Variants in AVEN observed in about 807,000 individuals in gnomAD.
AVEN encodes the protein cell death regulator Aven.
In AVEN, 41 loss-of-function variants were observed where a neutral mutation model predicts 38.1. That is an observed-to-expected ratio of 1.08 (90% CI 0.84 to 1.40). AVEN has a LOEUF of 1.40. Among genes scored for constraint, AVEN ranks in the 40% most tolerant of loss-of-function variants. The pLI is 0.00. For missense variants in AVEN, 605 were observed against 438.8 expected, an observed-to-expected ratio of 1.38 and a Z score of -3.38; for synonymous variants, 206 against 171.8, an observed-to-expected ratio of 1.20 and a Z score of -1.56.
intron 11 of AVEN, among the ~76,000 whole-genome samples, chr15:33,860,145 G>C (rs1054516328): frequency 7.9e-5 from 12 of 152,200 alleles, no homozygotes; most frequent in Non-Finnish European, 1.5e-4. Flanking sequence ...CAAGATTGGA[G>C]AAAGATGATA....
intron 2 of AVEN, among the ~76,000 whole-genome samples, chr15:33,957,767 T>C (rs566760329): frequency 4.6e-5 from 7 of 151,236 alleles, no homozygotes; most frequent in African/African-American, 1.5e-4. Context: ...AATAATTCCA[T>C]TTGTGCAGTC....
At chr15:34,020,042 T>C (rs953907531) in intron 1 of AVEN, among the ~76,000 whole-genome samples, 4 of 152,240 alleles carry the variant, frequency 2.6e-5, no homozygotes, top group Admixed American at 2.6e-4. Flanking sequence ...CTGGGCGCAG[T>C]GGTTCACACC....
intron 2 of AVEN, among the ~76,000 whole-genome samples, chr15:33,946,569 A>T (rs1894515385): frequency 6.6e-6 from 1 of 152,122 alleles, no homozygotes; most frequent in Non-Finnish European, 1.5e-5. Flanking sequence ...AAGCAGGAGG[A>T]TCTGTGTTAG....
intron 2 of AVEN, among the ~76,000 whole-genome samples, chr15:33,939,081 T>C (rs546597567): frequency 1.5e-4 from 23 of 152,294 alleles, no homozygotes; most frequent in African/African-American, 5.3e-4. Flanking sequence ...GACTTCGTGA[T>C]TCGCCCGCTT....
chr15:34,059,703 C>T (rs1227941639), intron 5 of AVEN, among the ~76,000 whole-genome samples: 1 of 152,222 alleles, frequency 6.6e-6, no homozygotes, highest in African/African-American at 2.4e-5. Context: ...CTAGCATCCC[C>T]AGCCTCCACC....
In AVEN at chr15:34,063,053, G is replaced by A. The variant is rs1254630109; in HGVS notation, n.1506C>T. 24 of 1,614,138 alleles carry A rather than the reference G, an allele frequency of 1.5e-5. No individual in the cohort carries two copies. The highest frequency in any genetic ancestry group is 2.0e-5 in the Non-Finnish European group (24 of 1,180,028). ...ACCTTTGGCTTGCACTGGACTACGTGGCCAGCAACGCTTCTGTCATGAACC... is the reference window on the plus strand; with the variant it reads ...ACCTTTGGCTTGCACTGGACTACGTAGCCAGCAACGCTTCTGTCATGAACC... On this transcript the variant is annotated non_coding_transcript_exon_variant, in exon 5 of 12. Coordinates refer to the AVEN transcript ENST00000675287. The surrounding 1 kb of genome is among the most constrained non-coding windows in gnomAD (Gnocchi z 4.1).
Position 33,961,632 on chromosome 15 carries a change from T to C in AVEN, c.445+41400A>G, listed in dbSNP as rs532825829. Reference sequence around the variant, plus strand: ...ATCGAGACCATTCTGGCTAACACGGTGAAACCCCGTCTCTACTAAAAACAC... The same window carrying C: ...ATCGAGACCATTCTGGCTAACACGGCGAAACCCCGTCTCTACTAAAAACAC... On this transcript the variant is annotated intron_variant, in intron 2 of 5. Coordinates refer to ENST00000306730, the MANE Select transcript of AVEN (RefSeq NM_020371.3). Among the ~76,000 whole-genome samples the C allele has an allele frequency of 3.8e-4, 57 of 151,200 alleles. 1 individual carries two copies. Among genetic ancestry groups the C allele is most frequent in the Admixed American group, 7.9e-4 (12 of 15,196 alleles).
At chr15:33,898,157 C>A (rs928129508) in intron 2 of AVEN, among the ~76,000 whole-genome samples, 1 of 152,186 alleles carries the variant, frequency 6.6e-6, no homozygotes, top group Non-Finnish European at 1.5e-5. Context: ...CCACTGCACT[C>A]CAGCCTGGGC....
At chr15:33,997,696 TCTTCA>T (rs1166434729) in intron 2 of AVEN, among the ~76,000 whole-genome samples, 1 of 152,198 alleles carries the variant, frequency 6.6e-6, no homozygotes, top group African/African-American at 2.4e-5. Flanking sequence ...TTCTCTCATA[TCTTCA>T]CTTATTTCCT....
chr15:33,889,211 T>C (rs1356376797), intron 2 of AVEN, among the ~76,000 whole-genome samples: 1 of 152,230 alleles, frequency 6.6e-6, no homozygotes, highest in Non-Finnish European at 1.5e-5. Flanking sequence ...TGGGCATCTT[T>C]TTTGACTGCT....
At chr15:33,920,138 G>GT (rs1258263204) in intron 2 of AVEN, among the ~76,000 whole-genome samples, 1 of 152,166 alleles carries the variant, frequency 6.6e-6, no homozygotes, top group Admixed American at 6.5e-5. Context: ...ATGCAACAGG[G>GT]TGCTAGAGTC....
chr15:34,041,259 C>T (rs137935673), upstream of AVEN, among the ~76,000 whole-genome samples: 4 of 152,296 alleles, frequency 2.6e-5, no homozygotes, highest in South Asian at 2.1e-4. Flanking sequence ...CCCTGAGAGG[C>T]AATCACCCTG....
chr15:33,857,218 C>T (rs933307468), downstream of AVEN, among the ~76,000 whole-genome samples: 4 of 137,932 alleles, frequency 2.9e-5, no homozygotes, highest in South Asian at 2.6e-4. Flanking sequence ...GTTCTGGAGG[C>T]GGTAAGTAAG....
intron 2 of AVEN, among the ~76,000 whole-genome samples, chr15:33,982,336 C>T (rs1184714956): frequency 6.6e-6 from 1 of 152,066 alleles, no homozygotes; most frequent in East Asian, 1.9e-4. Flanking sequence ...TAAGATCACA[C>T]CCTCTCCCAT....
chr15:33,986,801 C>A (rs1896494097), intron 2 of AVEN, among the ~76,000 whole-genome samples: 2 of 151,500 alleles, frequency 1.3e-5, no homozygotes, highest in African/African-American at 4.8e-5. Context: ...GGACTACAGG[C>A]ACGTGCCACC....
At chr15:34,047,901 C>T (rs1899770960) in intron 5 of AVEN, among the ~76,000 whole-genome samples, 1 of 152,172 alleles carries the variant, frequency 6.6e-6, no homozygotes, top group African/African-American at 2.4e-5. Context: ...ATGAGGGGCT[C>T]TCCACACCAG....
chr15:34,016,019 G>A (rs969118472), intron 1 of AVEN, among the ~76,000 whole-genome samples: 8 of 152,226 alleles, frequency 5.3e-5, no homozygotes, highest in African/African-American at 1.7e-4. Flanking sequence ...GCTCATGCCT[G>A]TAATCCCAGC....
intron 3 of AVEN, among the ~76,000 whole-genome samples, chr15:33,874,037 A>G (rs562085325): frequency 6.6e-6 from 1 of 152,146 alleles, no homozygotes; most frequent in Admixed American, 6.5e-5. Flanking sequence ...TCATCCGTTC[A>G]ATCCCTCCCC....
chr15:33,891,287 G>T (rs942577808), intron 2 of AVEN, among the ~76,000 whole-genome samples: 1 of 152,080 alleles, frequency 6.6e-6, no homozygotes, highest in Non-Finnish European at 1.5e-5. Flanking sequence ...CAACGTGCAG[G>T]TTTGATATAT....
Sources: allele counts gnomAD v4.1 joint callset (sites outside exome capture counted in the v4.1 genomes callset), GRCh38; gene constraint gnomAD v4.1.1; non-coding constraint Gnocchi (gnomAD v3.1); transcripts MANE v1.5; gene names NCBI Gene and HGNC (gene_info 2026-07-23, HGNC 2026-07-21).